KIAA0825: variants seen among roughly 807,000 people sequenced by gnomAD.
The protein encoded by KIAA0825 is uncharacterized protein KIAA0825.
Under a neutral mutation model 147.6 loss-of-function variants are expected in KIAA0825, and 119 were observed. The ratio of observed to expected loss-of-function variants is 0.81; its 90% CI spans 0.69 to 0.94. The LOEUF is 0.94. Ranked by LOEUF, KIAA0825 falls within the 40% of genes least tolerant of loss-of-function variation. The probability of loss-of-function intolerance (pLI) is 0.00; values close to 1 mark genes in which losing one functional copy is unlikely to be tolerated. For missense variants in KIAA0825, 1,381 were observed against 1,472.7 expected (o/e 0.94, Z 1.02); for synonymous variants, 470 against 518.1 (o/e 0.91, Z 1.26).
chr5:94,550,758 C>T (rs1350479023), intron 2 of KIAA0825, among the ~76,000 whole-genome samples: 2 of 151,250 alleles, frequency 1.3e-5, no homozygotes, highest in South Asian at 2.1e-4. Flanking sequence ...AGGAGAATGG[C>T]GTGAGCCCGG....
intron 20 of KIAA0825, among the ~76,000 whole-genome samples, chr5:94,195,814 C>A (rs1177216619): frequency 1.3e-5 from 2 of 152,090 alleles, no homozygotes; most frequent in Non-Finnish European, 2.9e-5. Flanking sequence ...TTTCTTCAAA[C>A]TTTTTCTTCT....
At chr5:94,594,580 G>A in intron 1 of KIAA0825, 3 of 710,162 alleles carry the variant, frequency 4.2e-6, no homozygotes, top group Admixed American at 2.0e-5. Context: ...GGAGCTGAAA[G>A]GATTGCTTTG....
At chr5:94,610,787 G>GTATATATA (rs374319650) in intron 1 of KIAA0825, among the ~76,000 whole-genome samples, 9 of 95,104 alleles carry the variant, frequency 9.5e-5, no homozygotes, top group African/African-American at 3.8e-4. Flanking sequence ...AAAAAAAAAA[G>GTATATATA]TATATATATA....
At chr5:94,234,672 G>A (rs1489458698) in intron 20 of KIAA0825, among the ~76,000 whole-genome samples, 1 of 152,102 alleles carries the variant, frequency 6.6e-6, no homozygotes, top group African/African-American at 2.4e-5. Flanking sequence ...AGTGAGGTGA[G>A]GGAGAGATGT....
intron 5 of KIAA0825, among the ~76,000 whole-genome samples, chr5:94,496,853 C>A (rs1478732954): frequency 6.6e-6 from 1 of 152,068 alleles, no homozygotes; most frequent in Non-Finnish European, 1.5e-5. Context: ...GAAAATGCTA[C>A]ATAAATAGCA....
chr5:94,564,818 C>A (rs1325908719), intron 2 of KIAA0825, among the ~76,000 whole-genome samples: 1 of 152,118 alleles, frequency 6.6e-6, no homozygotes, highest in African/African-American at 2.4e-5. Context: ...TTAGGTTCAA[C>A]TTATCCCTGT....
intron 5 of KIAA0825, among the ~76,000 whole-genome samples, chr5:94,514,743 T>C (rs1011198648): frequency 1.3e-5 from 2 of 152,202 alleles, no homozygotes; most frequent in Admixed American, 6.5e-5. Context: ...TGGCTTTTGA[T>C]TGGCCTACTT....
chr5:94,436,621 A>G (rs980239692), intron 14 of KIAA0825, among the ~76,000 whole-genome samples: 10 of 152,162 alleles, frequency 6.6e-5, no homozygotes, highest in African/African-American at 2.2e-4. Context: ...TTTTGGTTCC[A>G]TATGAATTAA....
chr5:94,574,407 G>T (rs1341507472), intron 2 of KIAA0825, among the ~76,000 whole-genome samples: 1 of 151,968 alleles, frequency 6.6e-6, no homozygotes, highest in Non-Finnish European at 1.5e-5. Context: ...AGTCGGGTGT[G>T]TTGGTGTATG....
At chr5:94,297,998 G>A (rs1199523470) in intron 20 of KIAA0825, among the ~76,000 whole-genome samples, 1 of 146,688 alleles carries the variant, frequency 6.8e-6, no homozygotes, top group Non-Finnish European at 1.5e-5. Flanking sequence ...TGTAATCCCA[G>A]CACTTTGGGA....
chr5:94,592,897 A>C (rs1784603256), intron 1 of KIAA0825: 1 of 589,314 alleles, frequency 1.7e-6, no homozygotes, highest in Non-Finnish European at 3.2e-6. Context: ...TATTCAGATG[A>C]ATAAGTGTAT....
intron 13 of KIAA0825, among the ~76,000 whole-genome samples, chr5:94,452,131 G>A (rs1758491263): frequency 6.6e-6 from 1 of 152,038 alleles, no homozygotes; most frequent in East Asian, 1.9e-4. Flanking sequence ...TTGAAGATGG[G>A]GTCTATGTCT....
chr5:94,396,712 T>C (rs77736372), intron 16 of KIAA0825, among the ~76,000 whole-genome samples: 1 of 152,004 alleles, frequency 6.6e-6, no homozygotes, highest in Admixed American at 6.6e-5. Context: ...TTTTTTTTTT[T>C]CTCTCATAAA....
chr5:94,205,940 T>C (rs1347048573), intron 20 of KIAA0825, among the ~76,000 whole-genome samples: 1 of 152,238 alleles, frequency 6.6e-6, no homozygotes, highest in Non-Finnish European at 1.5e-5. Flanking sequence ...GCTTGCACTA[T>C]ACAGATCAAA....
At chr5:94,518,095 T>A (rs1767548331) in intron 5 of KIAA0825, among the ~76,000 whole-genome samples, 1 of 152,154 alleles carries the variant, frequency 6.6e-6, no homozygotes, top group Non-Finnish European at 1.5e-5. Flanking sequence ...TTTCTATAAT[T>A]TCAGGTAAAA....
chr5:94,301,060 T>C (rs989140963), intron 20 of KIAA0825, among the ~76,000 whole-genome samples: 9 of 152,152 alleles, frequency 5.9e-5, no homozygotes, highest in Non-Finnish European at 1.2e-4. Context: ...AATCACAGGG[T>C]TTCCTGACCA....
intron 20 of KIAA0825, among the ~76,000 whole-genome samples, chr5:94,368,543 C>A (rs1334161839): frequency 6.6e-6 from 1 of 152,116 alleles, no homozygotes; most frequent in Admixed American, 6.6e-5. Context: ...CCAGCAGATA[C>A]ACAGATTAGA....
intron 5 of KIAA0825, among the ~76,000 whole-genome samples, chr5:94,496,620 T>C (rs560480639): frequency 5.3e-5 from 8 of 152,120 alleles, no homozygotes; most frequent in African/African-American, 1.9e-4. Context: ...TGAACCTAAA[T>C]GTGTGTTCTG....
At chr5:94,201,558 C>T (rs1278603245) in intron 20 of KIAA0825, among the ~76,000 whole-genome samples, 2 of 151,794 alleles carry the variant, frequency 1.3e-5, no homozygotes, top group Admixed American at 1.3e-4. Context: ...CAGGTGCATG[C>T]CACCTTGCCT....
Sources: gnomAD v4.1 joint callset for allele counts (sites outside exome capture counted in the v4.1 genomes callset) on GRCh38, gnomAD v4.1.1 for gene constraint, MANE v1.5 for transcripts, NCBI Gene and HGNC (gene_info 2026-07-23, HGNC 2026-07-21) for gene names.